The following APAF1 variants were observed in gnomAD, a reference collection of about 807,000 sequenced individuals.
APAF1 encodes apoptotic protease-activating factor 1.
A neutral mutation model predicts 152.4 loss-of-function variants in APAF1; 91 were observed. The ratio of observed to expected loss-of-function variants is 0.60; its 90% CI spans 0.50 to 0.71. The LOEUF (loss-of-function observed/expected upper bound fraction) is 0.71, where lower values mean the gene tolerates loss of function less well. APAF1 is among the 30% of genes least tolerant of loss of function. APAF1 has a pLI of 0.00. For missense variants in APAF1, 1,283 were observed against 1,472.0 expected, an observed-to-expected ratio of 0.87 and a Z score of 2.10; for synonymous variants, 484 against 494.1, an observed-to-expected ratio of 0.98 and a Z score of 0.27.
intron 20 of APAF1, among the ~76,000 whole-genome samples, chr12:98,709,008 C>G (rs1044437798): frequency 6.6e-6 from 1 of 152,130 alleles, no homozygotes; most frequent in Non-Finnish European, 1.5e-5. Flanking sequence ...AAGAGTGATT[C>G]AGACATGTCT....
intron 7 of APAF1, 116 bp downstream of exon 7, chr12:98,662,922 G>T (rs1021527295): frequency 1.1e-6 from 1 of 886,816 alleles, no homozygotes; most frequent in African/African-American, 1.7e-5. Context: ...ACTTTTCTGG[G>T]AGATTTAGTA....
chr12:98,646,131 G>T (rs1375662686), intron 1 of APAF1, among the ~76,000 whole-genome samples: 1 of 152,168 alleles, frequency 6.6e-6, no homozygotes, highest in East Asian at 1.9e-4. Context: ...TTTAAGATTT[G>T]CATATTTTAG....
chr12:98,670,347 C>T (rs2097678518), intron 10 of APAF1, among the ~76,000 whole-genome samples: 1 of 152,124 alleles, frequency 6.6e-6, no homozygotes, highest in Non-Finnish European at 1.5e-5. Flanking sequence ...TTTTGGCCAT[C>T]TGTGCTTTTT....
chr12:98,669,578 T>C, intron 10 of APAF1, among the ~76,000 whole-genome samples: 1 of 152,196 alleles, frequency 6.6e-6, no homozygotes, highest in East Asian at 1.9e-4. Flanking sequence ...TCATGTCATT[T>C]ATATAGAGTG....
chr12:98,662,614 A>G, intron 6 of APAF1, 46 bp downstream of exon 6: 1 of 1,603,540 alleles, frequency 6.2e-7, no homozygotes. Flanking sequence ...ATTTAATTTA[A>G]TTACATTTAA....
At chr12:98,721,921 A>T (rs2097743498) in intron 22 of APAF1, among the ~76,000 whole-genome samples, 1 of 152,218 alleles carries the variant, frequency 6.6e-6, no homozygotes, top group African/African-American at 2.4e-5. Flanking sequence ...AATGTTACTC[A>T]TGTGCATACC....
At chr12:98,656,414 G>A (rs547587792) in intron 4 of APAF1, among the ~76,000 whole-genome samples, 1 of 152,308 alleles carries the variant, frequency 6.6e-6, no homozygotes, top group East Asian at 1.9e-4. Flanking sequence ...GAAACTTTAG[G>A]AGTAAGCAGT....
intron 20 of APAF1, 58 bp downstream of exon 20, chr12:98,708,762 G>C: frequency 1.3e-6 from 2 of 1,569,018 alleles, no homozygotes; most frequent in South Asian, 1.1e-5. Context: ...TCTATTCACG[G>C]TTTTTCTTGT....
At chr12:98,659,919 G>A (rs2097662882) in intron 5 of APAF1, among the ~76,000 whole-genome samples, 1 of 152,112 alleles carries the variant, frequency 6.6e-6, no homozygotes, top group African/African-American at 2.4e-5. Context: ...ACCATTGTAG[G>A]CTTTCAGGAA....
intron 16 of APAF1, among the ~76,000 whole-genome samples, chr12:98,689,675 GGT>G (rs2097702166): frequency 1.3e-5 from 2 of 152,098 alleles, no homozygotes; most frequent in South Asian, 4.1e-4. Context: ...TACCCAGGCT[GGT>G]CTTGAACTAA....
rs1458875269 is a variant in APAF1, at chr12:98,734,356, G to A, written c.*1790G>A. 4 of 152,142 alleles carry A rather than the reference G, an allele frequency of 2.6e-5. No homozygotes were observed. Among genetic ancestry groups the A allele is most frequent in the Non-Finnish European group, 5.9e-5 (4 of 68,036 alleles). 9.4% of individuals were successfully genotyped at this position (152,142 alleles called of 1,614,324 possible). A position where few individuals can be genotyped will look rare whatever the true frequency, so the allele number is the denominator to read the frequency against. Reference sequence around the variant, plus strand: ...CCTGATCAGGAACTTTAGTTGAAGCGTAAATCTAAAGAAACATTTTCTCTG... The same window carrying A: ...CCTGATCAGGAACTTTAGTTGAAGCATAAATCTAAAGAAACATTTTCTCTG... On this transcript the variant is annotated 3_prime_UTR_variant, in exon 27 of 27. Transcript: ENST00000551964.
chr12:98,648,764 G>A lies in APAF1; in HGVS notation c.277G>A (p.Val93Ile). 1 of 1,613,980 alleles carries A rather than the reference G, an allele frequency of 6.2e-7. No individual in the cohort carries two copies. Among genetic ancestry groups the A allele is most frequent in the East Asian group, 2.2e-5 (1 of 44,846 alleles). The change falls in exon 3 of 27, where the codon GTT (valine) becomes ATT (isoleucine). Residue 93 changes from valine to isoleucine, a missense_variant. By Grantham distance (29) the Val-to-Ile change is conservative. Transcript: ENST00000551964. ...LAALLHDGIP[V>I]VSSSSGKDSV... The stretch of plus-strand genomic sequence containing the variant: ...TGCCCTTCTCCATGATGGCATTCCT[G>A]TTGTCTCTTCTTCCAGTGGTAAAGA...
At chr12:98,684,038 G>A (rs1003334434) in intron 15 of APAF1, among the ~76,000 whole-genome samples, 4 of 151,864 alleles carry the variant, frequency 2.6e-5, no homozygotes, top group Non-Finnish European at 5.9e-5. Flanking sequence ...TTGTTTTTTG[G>A]TTTGATTTCA....
intron 18 of APAF1, among the ~76,000 whole-genome samples, 181 bp from the exon 19 acceptor site, chr12:98,706,304 A>G (rs1368818663): frequency 6.6e-5 from 10 of 152,172 alleles, no homozygotes; most frequent in African/African-American, 2.4e-4. Flanking sequence ...GTATTTTGCT[A>G]TAAAAAATAA....
intron 11 of APAF1, 24 bp downstream of exon 11, chr12:98,671,110 T>A: frequency 7.1e-7 from 1 of 1,407,140 alleles, no homozygotes; most frequent in Non-Finnish European, 1.0e-6. Flanking sequence ...CATGAAAAAT[T>A]AGTGCTAAAA....
rs1404789582 is a variant in APAF1, at chr12:98,715,338, C to T, written c.2959-89C>T. 6 of 1,233,740 alleles carry T rather than the reference C, an allele frequency of 4.9e-6. No individual in the cohort carries two copies. The African/African-American group carries it at 6.3e-5, about 13-fold the overall frequency. The allele number at this position is 1,233,740 out of a possible 1,614,324, so 76.4% of individuals were successfully genotyped here. On this transcript the variant is annotated intron_variant, in intron 21 of 26. Coordinates refer to ENST00000551964, the MANE Select transcript of APAF1 (RefSeq NM_181861.2). Reference sequence around the variant, plus strand: ...CACCAGATGGAAATTCTGTACCCTCCAGTCTAATTTTAGTTTAATATCTTT... The same window carrying T: ...CACCAGATGGAAATTCTGTACCCTCTAGTCTAATTTTAGTTTAATATCTTT...
At chr12:98,697,293 T>C (rs1438828364) in intron 16 of APAF1, among the ~76,000 whole-genome samples, 1 of 152,218 alleles carries the variant, frequency 6.6e-6, no homozygotes, top group Non-Finnish European at 1.5e-5. Context: ...CACTGTGCTA[T>C]ACCTTTTCCT....
chr12:98,675,309 GAA>G (rs775344984), intron 12 of APAF1, among the ~76,000 whole-genome samples: 2 of 152,122 alleles, frequency 1.3e-5, no homozygotes, highest in African/African-American at 4.8e-5. Flanking sequence ...CCTTTATTAT[GAA>G]AGTCACTTTC....
chr12:98,725,678 T>G (rs141051658), intron 25 of APAF1, 138 bp downstream of exon 25: 1 of 1,174,004 alleles, frequency 8.5e-7, no homozygotes, highest in East Asian at 2.3e-5. Context: ...TTTTGTTTCT[T>G]GTGCACATTG....
Sources: allele counts gnomAD v4.1 joint callset (sites outside exome capture counted in the v4.1 genomes callset), GRCh38; gene constraint gnomAD v4.1.1; transcripts MANE v1.5; gene names NCBI Gene and HGNC (gene_info 2026-07-23, HGNC 2026-07-21).